SH3RF3: variants seen among roughly 807,000 people sequenced by gnomAD.
SH3RF3 encodes the protein SH3 domain containing ring finger 3, also known as E3 ubiquitin-protein ligase SH3RF3.
SH3RF3 carries 29 observed loss-of-function variants against 66.3 expected under a neutral mutation model. That is an observed-to-expected ratio of 0.44 (90% confidence interval 0.33 to 0.60). The LOEUF (loss-of-function observed/expected upper bound fraction) is 0.60, where lower values mean the gene tolerates loss of function less well. Among genes scored for constraint, SH3RF3 ranks in the 20% least tolerant of loss-of-function variants. The probability of loss-of-function intolerance (pLI) is 0.04; values close to 1 mark genes in which losing one functional copy is unlikely to be tolerated. For synonymous variants in SH3RF3, 583 were observed against 532.0 expected (o/e 1.10, Z -1.32); for missense variants, 1,194 against 1,190.9 (o/e 1.00, Z -0.04).
chr2:109,176,829 C>T (rs145062601), intron 1 of SH3RF3, among the ~76,000 whole-genome samples: 6 of 152,238 alleles, frequency 3.9e-5, no homozygotes, highest in East Asian at 1.9e-4. Flanking sequence ...TTATGTGACA[C>T]GGCATTGTTG....
intron 7 of SH3RF3, among the ~76,000 whole-genome samples, chr2:109,439,801 A>G (rs1038654651): frequency 6.6e-6 from 1 of 152,088 alleles, no homozygotes; most frequent in Non-Finnish European, 1.5e-5. Flanking sequence ...GAGGAAAACC[A>G]GACAAGCCCC....
chr2:109,146,709 G>A (rs1245302818), intron 1 of SH3RF3, among the ~76,000 whole-genome samples: 1 of 152,062 alleles, frequency 6.6e-6, no homozygotes, highest in African/African-American at 2.4e-5. Flanking sequence ...CCTGGATTGG[G>A]GGGCCCCATA....
rs188547388 is a variant in SH3RF3 at position 109,347,081 on chromosome 2, C to T, written c.574-593C>T. Among the ~76,000 whole-genome samples the T allele has an allele frequency of 3.1e-3, 465 of 152,288 alleles. 2 individuals carry two copies. Among genetic ancestry groups the T allele is most frequent in the African/African-American group, 0.011 (443 of 41,572 alleles). On this transcript the variant is annotated intron_variant, in intron 1 of 9. Coordinates refer to ENST00000309415, the MANE Select transcript of SH3RF3 (RefSeq NM_001099289.3). ...CGCTCAGCACGACGGATGCCATGCA[C>T]GCCTGCTGCTCAGCTTCAACCCCTG...
At chr2:109,354,719 G>A (rs748261738) in intron 2 of SH3RF3, among the ~76,000 whole-genome samples, 2 of 152,254 alleles carry the variant, frequency 1.3e-5, no homozygotes, top group South Asian at 2.1e-4. Context: ...CAGGGAAGGC[G>A]AGCGTCGGCA....
intron 2 of SH3RF3, among the ~76,000 whole-genome samples, chr2:109,357,456 C>T (rs1421432338): frequency 6.6e-6 from 1 of 152,246 alleles, no homozygotes; most frequent in East Asian, 1.9e-4. Context: ...GCTGGGATTA[C>T]AGGCGTGAGC....
chr2:109,343,345 T>C lies in SH3RF3; in HGVS notation c.574-4329T>C, dbSNP rs115543213. Among the ~76,000 whole-genome samples, 682 of 152,226 alleles carry C rather than the reference T, an allele frequency of 4.5e-3. 6 individuals carry two copies. Among genetic ancestry groups the C allele is most frequent in the African/African-American group, 0.016 (653 of 41,540 alleles). Reference sequence around the variant, plus strand: ...CTTCTGCTCCTCCAAATAAACTGCCTCTCGGCATCTTCCTTGACTCTTTTT... The same window carrying C: ...CTTCTGCTCCTCCAAATAAACTGCCCCTCGGCATCTTCCTTGACTCTTTTT... On this transcript the variant is annotated intron_variant, in intron 1 of 9. Transcript: ENST00000309415.
rs543934684 is a variant in SH3RF3, at chr2:109,243,306, T to A, written c.574-104368T>A. Among the ~76,000 whole-genome samples, 165 of 152,288 alleles carry A rather than the reference T, an allele frequency of 1.1e-3. 1 individual carries two copies. The highest frequency in any genetic ancestry group is 3.8e-3 in the African/African-American group (156 of 41,568). ...CCGTACACCGCATGGATCCTGAGAC[T>A]CCCGTGTGCTTTTGCAGCCCTGAGA... is the stretch of plus-strand genomic sequence containing the variant. On this transcript the variant is annotated intron_variant, in intron 1 of 9. Coordinates refer to ENST00000309415, the MANE Select transcript of SH3RF3 (RefSeq NM_001099289.3).
chr2:109,131,868 G>A (rs189877052), intron 1 of SH3RF3, among the ~76,000 whole-genome samples: 22 of 152,272 alleles, frequency 1.4e-4, no homozygotes, highest in Admixed American at 1.4e-3. Flanking sequence ...TAATAGACGA[G>A]CACTTATTTA....
At chr2:109,372,476 A>G (rs148755681) in intron 3 of SH3RF3, among the ~76,000 whole-genome samples, 23 of 152,350 alleles carry the variant, frequency 1.5e-4, no homozygotes, top group African/African-American at 5.5e-4. Context: ...GCTTCAGTGA[A>G]TGCTTACTGA....
chr2:109,375,489 G>A (rs1319315532), intron 3 of SH3RF3, among the ~76,000 whole-genome samples: 2 of 152,222 alleles, frequency 1.3e-5, no homozygotes, highest in Non-Finnish European at 2.9e-5. Context: ...CTCTAGTCTA[G>A]CGGATGGGAC....
chr2:109,499,282 G>T (rs376830700), intron 9 of SH3RF3, among the ~76,000 whole-genome samples: 1 of 152,126 alleles, frequency 6.6e-6, no homozygotes, highest in East Asian at 1.9e-4. Flanking sequence ...GAGTGCCTTC[G>T]CCCTGCCAGG....
At chr2:109,162,966 A>G (rs1287525464) in intron 1 of SH3RF3, among the ~76,000 whole-genome samples, 1 of 152,216 alleles carries the variant, frequency 6.6e-6, no homozygotes, top group Non-Finnish European at 1.5e-5. Context: ...CACCTCTCCA[A>G]GGGATTTGCA....
chr2:109,131,953 T>C (rs2104798619), intron 1 of SH3RF3, among the ~76,000 whole-genome samples: 1 of 152,306 alleles, frequency 6.6e-6, no homozygotes, highest in East Asian at 1.9e-4. Flanking sequence ...ATAATAGCAT[T>C]AGGTCCAGCA....
chr2:109,463,318 T>C (rs923815476), intron 8 of SH3RF3, among the ~76,000 whole-genome samples: 8 of 152,232 alleles, frequency 5.3e-5, no homozygotes, highest in African/African-American at 1.9e-4. Context: ...TGTCTCACGG[T>C]ATTACCACCT....
In SH3RF3 at chr2:109,419,711, C is replaced by T. The variant is rs377316833; in HGVS notation, c.1403+69C>T. The T allele has an allele frequency of 5.5e-6, 8 of 1,442,370 alleles. No homozygotes were observed. In the East Asian group the frequency reaches 1.5e-4, roughly 27 times the overall value. 89.3% of individuals were successfully genotyped at this position (1,442,370 alleles called of 1,614,324 possible). On this transcript the variant is annotated intron_variant, in intron 5 of 9. Coordinates refer to ENST00000309415, the MANE Select transcript of SH3RF3 (RefSeq NM_001099289.3). Reference sequence around the variant, plus strand: ...CTCCCTCCTGCCTGGGCTGACCTGTCCACGTGTGGTTTCCGCAGGGTTTTC... The same window carrying T: ...CTCCCTCCTGCCTGGGCTGACCTGTTCACGTGTGGTTTCCGCAGGGTTTTC...
At chr2:109,320,003 T>C (rs578175056) in intron 1 of SH3RF3, among the ~76,000 whole-genome samples, 1 of 152,284 alleles carries the variant, frequency 6.6e-6, no homozygotes, top group South Asian at 2.1e-4. Flanking sequence ...GGTGCTATTC[T>C]GGAGGTTCCC....
intron 5 of SH3RF3, 41 bp downstream of exon 5, chr2:109,419,683 G>A: frequency 6.5e-7 from 1 of 1,535,886 alleles, no homozygotes; most frequent in East Asian, 2.4e-5. Context: ...TGTGCCTGCA[G>A]CCCTCCCTCC....
intron 1 of SH3RF3, among the ~76,000 whole-genome samples, chr2:109,307,375 C>T (rs554457692): frequency 4.6e-5 from 7 of 151,786 alleles, no homozygotes; most frequent in Middle Eastern, 3.5e-3. Flanking sequence ...GCAAGCAGAA[C>T]GCTGCATCCA....
At chr2:109,164,251 T>G (rs1677563324) in intron 1 of SH3RF3, among the ~76,000 whole-genome samples, 1 of 152,172 alleles carries the variant, frequency 6.6e-6, no homozygotes. Context: ...TGACTGATCA[T>G]AACTCACTGC....
Sources: gnomAD v4.1 joint callset for allele counts (sites outside exome capture counted in the v4.1 genomes callset) on GRCh38, gnomAD v4.1.1 for gene constraint, MANE v1.5 for transcripts, NCBI Gene and HGNC (gene_info 2026-07-23, HGNC 2026-07-21) for gene names.